The following SACM1L variants were observed in gnomAD, a reference collection of about 807,000 sequenced individuals.
SACM1L encodes the protein SAC1 like phosphatidylinositide phosphatase.
In SACM1L, 32 loss-of-function variants were observed where a neutral mutation model predicts 89.5. That is an observed-to-expected ratio of 0.36 (90% CI 0.27 to 0.48). SACM1L has a LOEUF of 0.48. Among genes scored for constraint, SACM1L ranks in the 20% least tolerant of loss-of-function variants. The probability of loss-of-function intolerance (pLI) is 0.99; values close to 1 mark genes in which losing one functional copy is unlikely to be tolerated. For synonymous variants in SACM1L, 213 were observed against 232.8 expected (o/e 0.92, Z 0.77); for missense variants, 543 against 708.5 (o/e 0.77, Z 2.65).
intron 14 of SACM1L, 57 bp downstream of exon 14, chr3:45,735,430 C>CTTTA (rs1699177688): frequency 6.8e-7 from 1 of 1,461,518 alleles, no homozygotes; most frequent in Admixed American, 2.5e-5. Flanking sequence ...AATTAAACAT[C>CTTTA]TTTAAAACCC....
chr3:45,712,439 C>T (rs766104410), intron 5 of SACM1L, among the ~76,000 whole-genome samples: 21 of 152,194 alleles, frequency 1.4e-4, no homozygotes, highest in Admixed American at 1.3e-4. Flanking sequence ...AGAGACATGT[C>T]GGCCAGGCTG....
At chr3:45,729,937 T>C (rs1699007807) in intron 11 of SACM1L, among the ~76,000 whole-genome samples, 1 of 152,114 alleles carries the variant, frequency 6.6e-6, no homozygotes, top group Non-Finnish European at 1.5e-5. Context: ...TTTTGTACTC[T>C]TTTGCTCCAG....
intron 13 of SACM1L, among the ~76,000 whole-genome samples, chr3:45,732,656 C>T (rs988348656): frequency 6.6e-6 from 1 of 152,104 alleles, no homozygotes; most frequent in African/African-American, 2.4e-5. Flanking sequence ...ATATATTTTA[C>T]ATCTGTTAAA....
At chr3:45,733,395 A>T (rs1699122143) in intron 13 of SACM1L, among the ~76,000 whole-genome samples, 1 of 152,170 alleles carries the variant, frequency 6.6e-6, no homozygotes, top group African/African-American at 2.4e-5. Flanking sequence ...TTCATTTGTA[A>T]AGTGAAGATG....
At chr3:45,730,921 T>G (rs1699038418) in intron 11 of SACM1L, among the ~76,000 whole-genome samples, 1 of 152,216 alleles carries the variant, frequency 6.6e-6, no homozygotes, top group Non-Finnish European at 1.5e-5. Context: ...TTACAACAGA[T>G]GTACACAATT....
chr3:45,705,907 G>C (rs2125687488), intron 3 of SACM1L, among the ~76,000 whole-genome samples: 1 of 152,344 alleles, frequency 6.6e-6, no homozygotes, highest in Middle Eastern at 3.4e-3. Flanking sequence ...TTGGTTCTGA[G>C]TTGTTAAGAA....
intron 7 of SACM1L, among the ~76,000 whole-genome samples, chr3:45,717,556 T>C (rs1698689673): frequency 6.6e-6 from 1 of 152,224 alleles, no homozygotes; most frequent in Admixed American, 6.5e-5. Flanking sequence ...GATGGTAGGT[T>C]CACAAATATT....
Position 45,743,803 on chromosome 3 carries a change from C to G in SACM1L, c.*134C>G. The G allele has an allele frequency of 1.2e-6, 1 of 845,934 alleles. No homozygotes were observed. Among genetic ancestry groups the G allele is most frequent in the Non-Finnish European group, 1.8e-6 (1 of 563,236 alleles). 52.4% of individuals were successfully genotyped at this position (845,934 alleles called of 1,614,324 possible). A position where few individuals can be genotyped will look rare whatever the true frequency, so the allele number is the denominator to read the frequency against. Reference sequence around the variant, plus strand: ...CCAAAAGCACATCTTGTGCTCCATGCAGGATGATGACAGAATTGATCTGAT... The same window carrying G: ...CCAAAAGCACATCTTGTGCTCCATGGAGGATGATGACAGAATTGATCTGAT... On this transcript the variant is annotated 3_prime_UTR_variant, in exon 20 of 20. Coordinates refer to ENST00000389061, the MANE Select transcript of SACM1L (RefSeq NM_014016.5).
intron 11 of SACM1L, among the ~76,000 whole-genome samples, chr3:45,724,090 T>C (rs1698853755): frequency 6.6e-6 from 1 of 152,144 alleles, no homozygotes; most frequent in African/African-American, 2.4e-5. Context: ...ACATTGGTGG[T>C]GTGCAAGTAT....
At chr3:45,731,516 G>A (rs1699053582) in intron 12 of SACM1L, 136 bp downstream of exon 12, 5 of 478,234 alleles carry the variant, frequency 1.0e-5, no homozygotes, top group Non-Finnish European at 1.8e-5. Context: ...ATGATATTTT[G>A]TTGGCTTGAA....
intron 1 of SACM1L, 80 bp downstream of exon 1, chr3:45,689,577 A>G: frequency 6.8e-7 from 1 of 1,474,706 alleles, no homozygotes; most frequent in Non-Finnish European, 9.2e-7. Flanking sequence ...AGGGCTTCTG[A>G]GTCCCGGATT....
chr3:45,704,577 TC>T (rs1264341539), intron 2 of SACM1L, among the ~76,000 whole-genome samples: 1 of 152,214 alleles, frequency 6.6e-6, no homozygotes, highest in Non-Finnish European at 1.5e-5. Context: ...ATTATACTAC[TC>T]TTTATACCAT....
intron 8 of SACM1L, among the ~76,000 whole-genome samples, chr3:45,721,025 T>G (rs1559545434): frequency 6.6e-6 from 1 of 152,210 alleles, no homozygotes; most frequent in Non-Finnish European, 1.5e-5. Context: ...CGTAAACAAA[T>G]TTTTAAAGGA....
At chr3:45,722,228 C>A in intron 9 of SACM1L, 143 bp downstream of exon 9, 1 of 589,188 alleles carries the variant, frequency 1.7e-6, no homozygotes, top group Non-Finnish European at 2.9e-6. Context: ...AAGTTCACCC[C>A]AAAAAAGGAA....
At chr3:45,691,363 G>A (rs951100779) in intron 1 of SACM1L, among the ~76,000 whole-genome samples, 1 of 152,068 alleles carries the variant, frequency 6.6e-6, no homozygotes, top group African/African-American at 2.4e-5. Context: ...GGCCCTTCCT[G>A]CTCTGAGGCT....
chr3:45,689,403 T>C lies in SACM1L; in HGVS notation c.-63T>C. The C allele has an allele frequency of 6.4e-7, 1 of 1,550,560 alleles. No individual in the cohort carries two copies. The highest frequency in any genetic ancestry group is 8.7e-7 in the Non-Finnish European group (1 of 1,146,642). On this transcript the variant is annotated 5_prime_UTR_variant, in exon 1 of 20. Transcript: ENST00000389061. Reference sequence around the variant, plus strand: ...TGTGCCAGGGTGACCGGTAGAGTTGTAGCCGAGGTGGCGGCGCGGGGCGGG... The same window carrying C: ...TGTGCCAGGGTGACCGGTAGAGTTGCAGCCGAGGTGGCGGCGCGGGGCGGG...
chr3:45,716,396 C>T (rs1330770753), intron 7 of SACM1L, among the ~76,000 whole-genome samples: 1 of 152,160 alleles, frequency 6.6e-6, no homozygotes. Flanking sequence ...CACTTGACCC[C>T]ATTTTGAAGC....
At chr3:45,695,997 C>CTTTT (rs56074379) in intron 1 of SACM1L, among the ~76,000 whole-genome samples, 2 of 134,232 alleles carry the variant, frequency 1.5e-5, no homozygotes, top group Non-Finnish European at 1.6e-5. Context: ...TCAGAATTTC[C>CTTTT]TTTTTTTTTT....
intron 1 of SACM1L, chr3:45,690,495 C>T (rs550568662): frequency 1.5e-4 from 23 of 152,360 alleles, no homozygotes; most frequent in African/African-American, 5.5e-4. Context: ...AGGGAAATGA[C>T]ACCAAAATGT....
Sources: gnomAD v4.1 joint callset for allele counts (sites outside exome capture counted in the v4.1 genomes callset) on GRCh38, gnomAD v4.1.1 for gene constraint, MANE v1.5 for transcripts, NCBI Gene and HGNC (gene_info 2026-07-23, HGNC 2026-07-21) for gene names.